MMP19: variants seen among roughly 807,000 people sequenced by gnomAD.
MMP19 encodes matrix metalloproteinase-19.
A neutral mutation model predicts 46.6 loss-of-function variants in MMP19; 47 were observed. That is an observed-to-expected ratio of 1.01 (90% CI 0.80 to 1.29). The LOEUF is 1.29. Among genes scored for constraint, MMP19 ranks in the 50% most tolerant of loss-of-function variants. The probability of loss-of-function intolerance (pLI) is 0.00; values close to 1 mark genes in which losing one functional copy is unlikely to be tolerated. For synonymous variants in MMP19, 222 were observed against 248.5 expected (o/e 0.89, Z 1.00); for missense variants, 589 against 643.5 (o/e 0.92, Z 0.92).
chr12:55,838,492 G>A (rs144777717), intron 6 of MMP19, 114 bp downstream of exon 6: 2 of 1,605,796 alleles, frequency 1.2e-6, no homozygotes, highest in South Asian at 1.1e-5. Flanking sequence ...TAATGCCTGG[G>A]GTCTAACCTC....
At chr12:55,838,447 C>T in intron 6 of MMP19, 159 bp downstream of exon 6, 1 of 1,574,334 alleles carries the variant, frequency 6.4e-7, no homozygotes, top group Non-Finnish European at 8.6e-7. Flanking sequence ...TCCGAACTCT[C>T]CCTCCCCATG....
chr12:55,842,467 A>G, intron 1 of MMP19, 29 bp from the exon 2 acceptor site: 1 of 1,527,974 alleles, frequency 6.5e-7, no homozygotes. Context: ...TAAGCAGGTT[A>G]AAAGGGGGTT....
chr12:55,841,738 C>A (rs1881718920), intron 2 of MMP19, among the ~76,000 whole-genome samples: 1 of 152,108 alleles, frequency 6.6e-6, no homozygotes, highest in African/African-American at 2.4e-5. Flanking sequence ...CAATTTCTAA[C>A]CTTCTCCTAC....
intron 4 of MMP19, 91 bp downstream of exon 4, chr12:55,840,576 G>T: frequency 7.6e-7 from 1 of 1,320,378 alleles, no homozygotes; most frequent in Non-Finnish European, 1.1e-6. Context: ...ATAAAGAGCA[G>T]CCCAAACATC....
At position 55,837,194 on chromosome 12, in the gene MMP19, C is replaced by T. The variant is rs370226628; in HGVS notation, c.1369G>A (p.Val457Ile). The change falls in exon 9 of 9, where the codon GTA (valine) becomes ATA (isoleucine). Residue 457 changes from valine to isoleucine, a missense_variant. By Grantham distance (29) the Val-to-Ile change is conservative. Coordinates refer to ENST00000322569, the MANE Select transcript of MMP19 (RefSeq NM_002429.6). ...VYWRLNQQLR[V>I]EKGYPRNISH... ...ATATTTCTGGGATAGCCTTTCTCTACTCGAAGCTGCTGGTTGAGGCGCCAG... is the reference window on the plus strand; with the variant it reads ...ATATTTCTGGGATAGCCTTTCTCTATTCGAAGCTGCTGGTTGAGGCGCCAG... 8 of 1,614,108 alleles carry T rather than the reference C, an allele frequency of 5.0e-6. No individual in the cohort carries two copies. The African/African-American group carries it at 1.1e-4, about 22-fold the overall frequency.
At position 55,837,343 on chromosome 12, in the gene MMP19, G is replaced by C. The variant is rs1373801848; in HGVS notation, c.1220C>G (p.Ala407Gly). 2.5e-6 allele frequency: 4 copies of C among 1,606,618 alleles called. No homozygotes were observed. In the African/African-American group the frequency reaches 4.0e-5, roughly 16 times the overall value. The stretch of plus-strand genomic sequence containing the variant: ...GGGGTAGCTGCTGAAGTCAGTTCGG[G>C]CTAGCTCGTCCCACTGCCAGTACCC... The part of the protein sequence containing the change: ...GSGYWQWDEL[A>G]RTDFSSYPKP... Residue 407 changes from alanine to glycine, a missense_variant, in exon 9 of 9, where the codon GCC becomes GGC. Physicochemically the swap from Ala to Gly is moderately conservative, Grantham distance 60. Coordinates refer to ENST00000322569, the MANE Select transcript of MMP19 (RefSeq NM_002429.6).
Position 55,837,090 on chromosome 12 carries a change from C to T in MMP19, c.1473G>A (p.Thr491=), listed in dbSNP as rs777916204. The change falls in exon 9 of 9, where the codon ACG becomes ACA. Residue 491 remains threonine (T), a synonymous_variant. Transcript: ENST00000322569. ...PSGGNTTPSG[T]GITLDTTLSA... is the part of the protein sequence containing the mutation. ...AGAGAGTGGTATCCAAGGTTATGCC[C>T]GTACCTGAGGGAGTGGTATTCCCAC... 13 of 1,607,262 alleles carry T rather than the reference C, an allele frequency of 8.1e-6. No homozygotes were observed. In the Admixed American group the frequency reaches 1.2e-4, roughly 15 times the overall value.
At position 55,837,651 on chromosome 12, in the gene MMP19, C is replaced by T. The variant is rs1881338819; in HGVS notation, c.1092G>A (p.Lys364=). The T allele has an allele frequency of 1.2e-6, 2 of 1,614,110 alleles. No individual in the cohort carries two copies. Among genetic ancestry groups the T allele is most frequent in the South Asian group, 1.1e-5 (1 of 91,090 alleles). Residue 364 remains lysine, a synonymous_variant, in exon 8 of 9, where the codon AAG becomes AAA. Transcript: ENST00000322569. ...GDKVWRYINF[K]MSPGFPKKLN... ...GCTTCTTGGGGAAGCCAGGAGACAT[C>T]TTGAAATTAATGTAGCGCCACACCT...
chr12:55,841,425 G>T, intron 2 of MMP19, 189 bp from the exon 3 acceptor site: 2 of 585,564 alleles, frequency 3.4e-6, no homozygotes, highest in South Asian at 4.6e-5. Context: ...CAGAAATGGA[G>T]ATACTCCAGC....
In MMP19 at chr12:55,837,982, G is replaced by C. The variant is rs1389575453; in HGVS notation, c.921C>G (p.Phe307Leu). Residue 307 changes from phenylalanine to leucine, a missense_variant, in exon 7 of 9, where the codon TTC (phenylalanine) becomes TTG (leucine). Transcript: ENST00000322569. ...MLGPRGKTYA[F>L]KGDYVWTVSD... ...ATACAGTCCACACATAGTCCCCCTT[G>C]AAAGCATAGGTCTTCCCACGGGGCC... 11 of 1,591,214 alleles carry C rather than the reference G, an allele frequency of 6.9e-6. No homozygotes were observed. Among genetic ancestry groups the C allele is most frequent in the Non-Finnish European group, 9.5e-6 (11 of 1,162,512 alleles).
In MMP19 at chr12:55,839,722, G is replaced by C. The variant is rs763842236; in HGVS notation, c.540C>G (p.Ala180=). 6.2e-7 allele frequency: 1 copy of C among 1,612,598 alleles called. No individual in the cohort carries two copies. Among genetic ancestry groups the C allele is most frequent in the East Asian group, 2.2e-5 (1 of 44,732 alleles). ...FDGPGRVLAH[A]DIPELGSVHF... is the part of the protein sequence containing the mutation. ...GCACACTGCCCAGCTCTGGGATGTC[G>C]GCATGGGCCAGGACTCTCCCTGGAC... Residue 180 remains alanine (A), a synonymous_variant, in exon 5 of 9, where the codon GCC becomes GCG. Transcript: ENST00000322569.
intron 2 of MMP19, chr12:55,841,506 G>T: frequency 3.1e-6 from 1 of 318,742 alleles, no homozygotes; most frequent in Non-Finnish European, 5.6e-6. Flanking sequence ...CTCCTCTACT[G>T]CAATCTTCCT....
chr12:55,839,105 G>A (rs1286247171), intron 5 of MMP19, among the ~76,000 whole-genome samples: 3 of 152,038 alleles, frequency 2.0e-5, no homozygotes, highest in Non-Finnish European at 4.4e-5. Context: ...AGCTGGGCGT[G>A]GTTGCGTGTG....
At position 55,837,162 on chromosome 12, in the gene MMP19, G is replaced by A; in HGVS notation, c.1401C>T (p.His467=). The change falls in exon 9 of 9, where the codon CAC becomes CAT. Residue 467 remains histidine, a synonymous_variant. Transcript: ENST00000322569. ...TCCGGGGACGACAGTGCATCCAGTT[G>A]TGGGAAATATTTCTGGGATAGCCTT... ...VEKGYPRNIS[H]NWMHCRPRTI... is the part of the protein sequence containing the mutation. 6.2e-7 allele frequency: 1 copy of A among 1,614,186 alleles called. No homozygotes were observed. The highest frequency in any genetic ancestry group is 8.5e-7 in the Non-Finnish European group (1 of 1,180,036).
chr12:55,837,752 A>C (rs1881351358), intron 7 of MMP19, 70 bp from the exon 8 acceptor site: 1 of 1,604,062 alleles, frequency 6.2e-7, no homozygotes, highest in African/African-American at 1.3e-5. Flanking sequence ...CCTCCGGTCC[A>C]CCTATTCAGA....
exon 1 of MMP19, chr12:55,842,935 CTTT>C: frequency 1.2e-6 from 1 of 824,702 alleles, no homozygotes; most frequent in East Asian, 2.7e-5. Flanking sequence ...ACCCCCAGTT[CTTT>C]TTACTCTCCA....
chr12:55,836,584 T>G lies in MMP19; in HGVS notation c.*452A>C, dbSNP rs973135702. On this transcript the variant is annotated 3_prime_UTR_variant, in exon 9 of 9. Transcript: ENST00000322569. ...TGAGATTCAACAAGGTTAATTAGCT[T>G]GCCCGTAATCATAAGCACATAAATG... 1.9e-5 allele frequency: 3 copies of G among 154,944 alleles called. No homozygotes were observed. The highest frequency in any genetic ancestry group is 7.2e-5 in the African/African-American group (3 of 41,512). The allele number at this position is 154,944 out of a possible 1,614,324, so 9.6% of individuals were successfully genotyped here.
chr12:55,842,916 G>A lies in MMP19; in HGVS notation c.-86C>T. 2 of 1,034,146 alleles carry A rather than the reference G, an allele frequency of 1.9e-6. No homozygotes were observed. Among genetic ancestry groups the A allele is most frequent in the Non-Finnish European group, 2.9e-6 (2 of 688,950 alleles). 64.1% of individuals were successfully genotyped at this position (1,034,146 alleles called of 1,614,324 possible). ...CCTTGGGGGAGCAGTGCTAGGCAGA[G>A]GGGCTCTTACCCCCAGTTCTTTTTA... On this transcript the variant is annotated 5_prime_UTR_variant, in exon 1 of 9. Transcript: ENST00000322569.
Position 55,838,741 on chromosome 12 carries a change from G to C in MMP19, c.767-7C>G. 1.3e-6 allele frequency: 2 copies of C among 1,571,808 alleles called. No individual in the cohort carries two copies. Among genetic ancestry groups the C allele is most frequent in the East Asian group, 4.5e-5 (2 of 44,408 alleles). On this transcript the variant is annotated splice_polypyrimidine_tract_variant and splice_region_variant and intron_variant, in intron 5 of 8. Transcript: ENST00000322569. ...ATCACTGGACTCTTCTTGCCTATAA[G>C]GTAAAGTAATGCTGCTTAGGGAGAG...
Sources: allele counts gnomAD v4.1 joint callset (sites outside exome capture counted in the v4.1 genomes callset), GRCh38; gene constraint gnomAD v4.1.1; transcripts MANE v1.5; gene names NCBI Gene and HGNC (gene_info 2026-07-23, HGNC 2026-07-21).